The following NEGR1 variants were observed in gnomAD, a reference collection of about 807,000 sequenced individuals.
The protein encoded by NEGR1 is neuronal growth regulator 1, also known as IgLON family member 4.
In NEGR1, 10 loss-of-function variants were observed where a neutral mutation model predicts 40.9. That is an observed-to-expected ratio of 0.24 (90% CI 0.15 to 0.42). NEGR1 has a LOEUF of 0.42. NEGR1 is among the 10% of genes least tolerant of loss of function. NEGR1 has a pLI of 1.00. For missense variants in NEGR1, 352 were observed against 438.9 expected (o/e 0.80, Z 1.77); for synonymous variants, 185 against 166.8 (o/e 1.11, Z -0.84).
chr1:71,900,014 C>T (rs1661102203), intron 2 of NEGR1, among the ~76,000 whole-genome samples: 1 of 152,134 alleles, frequency 6.6e-6, no homozygotes, highest in Admixed American at 6.6e-5. Flanking sequence ...GAAGTATATA[C>T]AATCAATAAA....
In NEGR1 at chr1:71,404,231, T is replaced by G. The variant is rs919067029; in HGVS notation, c.*3215A>C. On this transcript the variant is annotated 3_prime_UTR_variant, in exon 7 of 7. Coordinates refer to ENST00000357731, the MANE Select transcript of NEGR1 (RefSeq NM_173808.3). The stretch of plus-strand genomic sequence containing the variant: ...CTCCAGTCTACTTTCTAGATATAGC[T>G]TAAATGTTATGATGAAGCATTAATT... 1.3e-5 allele frequency: 2 copies of G among 152,030 alleles called. No homozygotes were observed. Among genetic ancestry groups the G allele is most frequent in the African/African-American group, 4.8e-5 (2 of 41,326 alleles). 9.4% of individuals were successfully genotyped at this position (152,030 alleles called of 1,614,324 possible). A position where few individuals can be genotyped will look rare whatever the true frequency, so the allele number is the denominator to read the frequency against.
chr1:71,468,467 C>T (rs1646760633), intron 6 of NEGR1: 1 of 151,988 alleles, frequency 6.6e-6, no homozygotes, highest in Non-Finnish European at 1.5e-5. Flanking sequence ...TACAGCATCA[C>T]TGGGGAAAGC....
At chr1:71,611,426 G>T (rs1361487730) in intron 4 of NEGR1, among the ~76,000 whole-genome samples, 1 of 152,096 alleles carries the variant, frequency 6.6e-6, no homozygotes, top group Non-Finnish European at 1.5e-5. Context: ...ATTGGTGAGG[G>T]TAACACTCCA....
intron 1 of NEGR1, among the ~76,000 whole-genome samples, chr1:72,026,743 C>G (rs1442864923): frequency 6.6e-6 from 1 of 152,074 alleles, no homozygotes; most frequent in Non-Finnish European, 1.5e-5. Flanking sequence ...ATGCTGTTTA[C>G]AAACTCCTCC....
chr1:72,189,464 T>C (rs912817723), intron 1 of NEGR1, among the ~76,000 whole-genome samples: 2 of 151,540 alleles, frequency 1.3e-5, no homozygotes, highest in Non-Finnish European at 3.0e-5. Context: ...TGACTTTCCA[T>C]GCTGTGGTAC....
At chr1:71,970,286 G>A (rs964411458) in intron 1 of NEGR1, among the ~76,000 whole-genome samples, 1 of 152,098 alleles carries the variant, frequency 6.6e-6, no homozygotes, top group Non-Finnish European at 1.5e-5. Flanking sequence ...GCCAGATCCT[G>A]GTGGGCCCTA....
chr1:71,961,978 G>A (rs1391106660), intron 1 of NEGR1, among the ~76,000 whole-genome samples: 2 of 152,004 alleles, frequency 1.3e-5, no homozygotes, highest in African/African-American at 2.4e-5. Context: ...AATCAAGTTT[G>A]GGGGCTACAT....
At position 71,673,900 on chromosome 1, in the gene NEGR1, G is replaced by A. The variant is rs184924231; in HGVS notation, c.667+24108C>T. On this transcript the variant is annotated intron_variant, in intron 4 of 6. Coordinates refer to ENST00000357731, the MANE Select transcript of NEGR1 (RefSeq NM_173808.3). ...TTATGGAGAACATAGACATGTGGAC[G>A]AATTACAGAGAAATTTAGAGGTTAC... Among the ~76,000 whole-genome samples the A allele has an allele frequency of 2.4e-3, 368 of 152,066 alleles. 2 individuals are homozygous for A. The highest frequency in any genetic ancestry group is 7.1e-3 in the South Asian group (34 of 4,818).
At chr1:71,459,381 A>T (rs1646698395) in intron 6 of NEGR1, among the ~76,000 whole-genome samples, 1 of 152,210 alleles carries the variant, frequency 6.6e-6, no homozygotes, top group African/African-American at 2.4e-5. Flanking sequence ...TTCTCCACTA[A>T]TATGAGGCTT....
chr1:71,716,837 A>G (rs1482473095), intron 3 of NEGR1, among the ~76,000 whole-genome samples: 1 of 152,190 alleles, frequency 6.6e-6, no homozygotes, highest in African/African-American at 2.4e-5. Context: ...TGGACAATAC[A>G]TGATTCAATT....
intron 1 of NEGR1, among the ~76,000 whole-genome samples, chr1:72,029,076 T>C (rs1646836152): frequency 6.6e-6 from 1 of 152,170 alleles, no homozygotes; most frequent in Non-Finnish European, 1.5e-5. Context: ...AACCAATTAT[T>C]TAGATTAATA....
At chr1:72,152,127 G>A (rs577044574) in intron 1 of NEGR1, among the ~76,000 whole-genome samples, 1 of 151,834 alleles carries the variant, frequency 6.6e-6, no homozygotes, top group East Asian at 1.9e-4. Flanking sequence ...TAGAACTTAA[G>A]CATAAAATGG....
intron 6 of NEGR1, among the ~76,000 whole-genome samples, chr1:71,505,342 C>T (rs530284363): frequency 4.0e-5 from 6 of 151,828 alleles, no homozygotes; most frequent in African/African-American, 7.2e-5. Context: ...AGTGCAGTGG[C>T]GCTATCTTGG....
intron 2 of NEGR1, among the ~76,000 whole-genome samples, chr1:71,830,344 G>A (rs1268956402): frequency 6.6e-6 from 1 of 151,770 alleles, no homozygotes; most frequent in East Asian, 1.9e-4. Context: ...AATATTTTCA[G>A]CTTTGTGAAC....
chr1:71,773,216 T>C (rs1363941201), intron 3 of NEGR1, among the ~76,000 whole-genome samples: 2 of 152,188 alleles, frequency 1.3e-5, no homozygotes, highest in Non-Finnish European at 2.9e-5. Context: ...AAAACTGGAA[T>C]TGACCATGAG....
Position 71,397,412 on chromosome 1 carries a change from T to G in NEGR1, c.*10034A>C, listed in dbSNP as rs1486587189. On this transcript the variant is annotated 3_prime_UTR_variant, in exon 7 of 7. Coordinates refer to ENST00000357731, the MANE Select transcript of NEGR1 (RefSeq NM_173808.3). ...CATGATCTCAGCTCACTGCAACCTC[T>G]GCCTCCTGGGTTCAAGCAATTCTTC... 1 of 152,826 alleles carries G rather than the reference T, an allele frequency of 6.5e-6. No individual in the cohort carries two copies. The highest frequency in any genetic ancestry group is 6.5e-5 in the Admixed American group (1 of 15,284). The allele number at this position is 152,826 out of a possible 1,614,324, so 9.5% of individuals were successfully genotyped here. A position where few individuals can be genotyped will look rare whatever the true frequency, so the allele number is the denominator to read the frequency against.
At chr1:71,724,434 T>C (rs1654609634) in intron 3 of NEGR1, among the ~76,000 whole-genome samples, 1 of 152,176 alleles carries the variant, frequency 6.6e-6, no homozygotes, top group African/African-American at 2.4e-5. Context: ...TTTTAACACA[T>C]GTCAGTTCTG....
rs527300261 is a variant in NEGR1 at position 71,472,416 on chromosome 1, C to G, written c.941-64846G>C. ...CTCGATATATGAACTTTTTGATTCT[C>G]CACCCTCCAGGATCATGATTTTGGT... On this transcript the variant is annotated intron_variant, in intron 6 of 6. Transcript: ENST00000357731. Among the ~76,000 whole-genome samples the G allele has an allele frequency of 2.0e-5, 3 of 152,202 alleles. No individual in the cohort carries two copies. The East Asian group carries it at 5.8e-4, about 29-fold the overall frequency.
At chr1:71,839,476 G>T (rs1659161088) in intron 2 of NEGR1, among the ~76,000 whole-genome samples, 1 of 151,766 alleles carries the variant, frequency 6.6e-6, no homozygotes, top group African/African-American at 2.4e-5. Context: ...GTCACAAAGT[G>T]TTGGGATTAC....
Sources: gnomAD v4.1 joint callset for allele counts (sites outside exome capture counted in the v4.1 genomes callset) on GRCh38, gnomAD v4.1.1 for gene constraint, MANE v1.5 for transcripts, NCBI Gene and HGNC (gene_info 2026-07-23, HGNC 2026-07-21) for gene names.